ATP2B4: variants seen among roughly 807,000 people sequenced by gnomAD.
ATP2B4 encodes plasma membrane calcium-transporting ATPase 4.
In ATP2B4, 39 loss-of-function variants were observed where a neutral mutation model predicts 110.3. The ratio of observed to expected loss-of-function variants is 0.35; its 90% CI spans 0.27 to 0.46. The LOEUF (loss-of-function observed/expected upper bound fraction) is 0.46. Ranked by LOEUF, ATP2B4 falls within the 20% of genes least tolerant of loss-of-function variation. The probability of loss-of-function intolerance (pLI) is 1.00; values close to 1 mark genes in which losing one functional copy is unlikely to be tolerated. For synonymous variants in ATP2B4, 538 were observed against 571.7 expected, an observed-to-expected ratio of 0.94 and a Z score of 0.84; for missense variants, 1,135 against 1,530.9, an observed-to-expected ratio of 0.74 and a Z score of 4.32.
In ATP2B4 at chr1:203,638,924, C is replaced by T. The variant is rs539993370; in HGVS notation, c.-465+11705C>T. Among the ~76,000 whole-genome samples the T allele has an allele frequency of 2.8e-4, 43 of 152,310 alleles. No individual in the cohort carries two copies. The South Asian group carries it at 5.4e-3, about 19-fold the overall frequency. On this transcript the variant is annotated intron_variant, in intron 1 of 20. Coordinates refer to ENST00000357681, the MANE Select transcript of ATP2B4 (RefSeq NM_001684.5). ...AAGTATTTGGCACTGCCCGTATCAC[C>T]GTGCAGCTCCTAACAGTCCCCTCCA...
rs117114126 is a variant in ATP2B4 at position 203,675,210 on chromosome 1, C to T, written c.-464-7532C>T. On this transcript the variant is annotated intron_variant, in intron 1 of 20. Transcript: ENST00000357681. Reference sequence around the variant, plus strand: ...TCTTAGCAGACCAGGTGATCAGGATCAGGCTGTCAACCTTGGGTCAATTCT... The same window carrying T: ...TCTTAGCAGACCAGGTGATCAGGATTAGGCTGTCAACCTTGGGTCAATTCT... Among the ~76,000 whole-genome samples the T allele has an allele frequency of 2.0e-5, 3 of 152,254 alleles. No individual in the cohort carries two copies. The East Asian group carries it at 5.8e-4, about 30-fold the overall frequency.
At chr1:203,722,796 G>A in intron 18 of ATP2B4, 107 bp downstream of exon 18, 3 of 1,044,612 alleles carry the variant, frequency 2.9e-6, no homozygotes, top group Non-Finnish European at 4.1e-6. Context: ...GGAATTACGG[G>A]GACTGGAGCT....
Position 203,713,146 on chromosome 1 carries a change from T to G in ATP2B4, c.2212-19T>G, listed in dbSNP as rs771516985. 3.1e-6 allele frequency: 5 copies of G among 1,614,022 alleles called. No individual in the cohort carries two copies. In the South Asian group the frequency reaches 5.5e-5, roughly 18 times the overall value. On this transcript the variant is annotated intron_variant, in intron 13 of 20. Transcript: ENST00000357681. ...CTTTTCTGCATTTGACTGATCCAGG[T>G]GTGGTCTGGTGTTGGCAGGTAGAGC...
intron 20 of ATP2B4, among the ~76,000 whole-genome samples, chr1:203,736,424 C>T (rs570397996): frequency 8.6e-5 from 13 of 151,946 alleles, no homozygotes; most frequent in South Asian, 4.1e-4. Context: ...GCTGAGATCA[C>T]GCCATTGCAC....
Position 203,629,802 on chromosome 1 carries a change from A to C in ATP2B4, c.-465+2583A>C, listed in dbSNP as rs1322703995. Among the ~76,000 whole-genome samples, 2 of 152,156 alleles carry C rather than the reference A, an allele frequency of 1.3e-5. No homozygotes were observed. ...ATTTACCACCAAGTCTCTAGATTCA[A>C]GGTCAAGTCAAAGGAGCACAGCCCG... is the stretch of plus-strand genomic sequence containing the variant. On this transcript the variant is annotated intron_variant, in intron 1 of 20. Coordinates refer to ENST00000357681, the MANE Select transcript of ATP2B4 (RefSeq NM_001684.5). The surrounding 1 kb of genome is among the most constrained non-coding windows in gnomAD (Gnocchi z 4.6).
intron 1 of ATP2B4, among the ~76,000 whole-genome samples, chr1:203,660,836 C>G (rs1664317029): frequency 6.6e-6 from 1 of 151,610 alleles, no homozygotes; most frequent in Non-Finnish European, 1.5e-5. Flanking sequence ...AGGGACTGGG[C>G]ACGGTGGCTC....
chr1:203,715,193 T>G (rs905911436), intron 15 of ATP2B4, among the ~76,000 whole-genome samples: 2 of 151,290 alleles, frequency 1.3e-5, no homozygotes, highest in South Asian at 2.1e-4. Flanking sequence ...GAGAATCACT[T>G]GAACCCGGGA....
At position 203,743,301 on chromosome 1, in the gene ATP2B4, T is replaced by C. The variant is rs1275058867; in HGVS notation, c.*3447T>C. On this transcript the variant is annotated 3_prime_UTR_variant, in exon 21 of 21. Transcript: ENST00000357681. ...TGGTACCATCACAGTATGCAGAGAC[T>C]TCCTCACCTTTCATATCTAGGGACC... 4 of 152,644 alleles carry C rather than the reference T, an allele frequency of 2.6e-5. No individual in the cohort carries two copies. The highest frequency in any genetic ancestry group is 5.9e-5 in the Non-Finnish European group (4 of 68,032). The allele number at this position is 152,644 out of a possible 1,614,324, so 9.5% of individuals were successfully genotyped here. A position where few individuals can be genotyped will look rare whatever the true frequency, so the allele number is the denominator to read the frequency against.
At chr1:203,657,602 C>A (rs1664200810) in intron 1 of ATP2B4, 1 of 973,878 alleles carries the variant, frequency 1.0e-6, no homozygotes, top group Non-Finnish European at 1.7e-6. Flanking sequence ...TAAGGTAAAG[C>A]TTAGCCTTCA....
At chr1:203,635,645 T>G (rs1663415362) in intron 1 of ATP2B4, among the ~76,000 whole-genome samples, 1 of 151,866 alleles carries the variant, frequency 6.6e-6, no homozygotes, top group African/African-American at 2.4e-5. Context: ...AGTGAGACCC[T>G]GTCTCAAAAA....
chr1:203,727,886 A>T (rs1224072057), intron 20 of ATP2B4: 1 of 380,732 alleles, frequency 2.6e-6, no homozygotes, highest in African/African-American at 2.1e-5. Flanking sequence ...TCTTGCAAGC[A>T]CTAGACCTGA....
chr1:203,729,707 C>T (rs777591410), intron 20 of ATP2B4: 1 of 1,344,170 alleles, frequency 7.4e-7, no homozygotes. Context: ...GACACAGGTG[C>T]TTCCTGGGGA....
In ATP2B4 at chr1:203,703,731, G is replaced by GT; in HGVS notation, c.1017_1018insT (p.Lys340Ter). 6.2e-7 allele frequency: 1 copy of GT among 1,614,192 alleles called. No individual in the cohort carries two copies. Among genetic ancestry groups the GT allele is most frequent in the Non-Finnish European group, 8.5e-7 (1 of 1,180,020 alleles). ...GAATCGACAATGAGGAAAAGGACAA[G>GT]AAGGCAGTCAAGGTGCCTAAAAAGG... On this transcript the variant is annotated frameshift_variant, in exon 8 of 21. Coordinates refer to ENST00000357681, the MANE Select transcript of ATP2B4 (RefSeq NM_001684.5). LOFTEE classifies it high-confidence loss of function.
At chr1:203,658,368 TA>T (rs530207721) in intron 1 of ATP2B4, among the ~76,000 whole-genome samples, 10,012 of 117,162 alleles carry the variant, frequency 0.085, 529 homozygotes, top group East Asian at 0.24. Flanking sequence ...TAATAAAAAT[TA>T]AAAAAAAAAA....
Position 203,707,137 on chromosome 1 carries a change from T to G in ATP2B4, c.1228T>G (p.Phe410Val), listed in dbSNP as rs146336588. The G allele has an allele frequency of 8.4e-5, 136 of 1,614,104 alleles. No individual in the cohort carries two copies. Among genetic ancestry groups the G allele is most frequent in the Non-Finnish European group, 1.1e-4 (127 of 1,180,040 alleles). The change falls in exon 9 of 21, where the codon TTC becomes GTC. Residue 410 changes from phenylalanine (F) to valine (V), a missense_variant. Phe to Val is a conservative substitution (Grantham distance 50). This residue lies in a region of ATP2B4 where 162 missense variants were observed against 210.5 expected (regional missense o/e 0.77). Coordinates refer to ENST00000357681, the MANE Select transcript of ATP2B4 (RefSeq NM_001684.5). ...CTACATCCAGTACTTTGTCAAGTTCTTCATCATCGGCATCACTGTACTGGT... is the reference window on the plus strand; with the variant it reads ...CTACATCCAGTACTTTGTCAAGTTCGTCATCATCGGCATCACTGTACTGGT... ...PIYIQYFVKF[F>V]IIGITVLVVA...
rs756353643 is a variant in ATP2B4, at chr1:203,713,216, C to T, written c.2263C>T (p.Arg755Ter). 1.9e-6 allele frequency: 3 copies of T among 1,614,134 alleles called. No homozygotes were observed. The highest frequency in any genetic ancestry group is 2.5e-6 in the Non-Finnish European group (3 of 1,180,006). ...CTGGCCTAAGCTTCGGGTCCTGGCG[C>T]GATCTTCTCCCACTGACAAGCACAC... ...KIWPKLRVLARSSPTDKHTLV... is the reference protein window; with the variant it reads ...KIWPKLRVLA Residue 755 changes from arginine to a stop codon, truncating the protein, a stop_gained, in exon 14 of 21, where the codon CGA becomes TGA. Transcript: ENST00000357681. LOFTEE classifies it high-confidence loss of function.
At chr1:203,697,422 A>G (rs1665564675) in intron 2 of ATP2B4, among the ~76,000 whole-genome samples, 1 of 152,208 alleles carries the variant, frequency 6.6e-6, no homozygotes, top group Admixed American at 6.5e-5. Flanking sequence ...TATGACATAA[A>G]AGTTCTATGT....
chr1:203,736,984 T>C (rs1303300733), intron 20 of ATP2B4, among the ~76,000 whole-genome samples: 2 of 152,240 alleles, frequency 1.3e-5, no homozygotes, highest in African/African-American at 4.8e-5. Context: ...GTGAGCTTCC[T>C]TACAGGTGGC....
intron 2 of ATP2B4, among the ~76,000 whole-genome samples, chr1:203,690,876 C>T (rs1407704142): frequency 1.3e-5 from 2 of 152,178 alleles, no homozygotes; most frequent in African/African-American, 4.8e-5. Context: ...CAAAAGTGTC[C>T]TCCCTCTGCC....
Sources: allele counts gnomAD v4.1 joint callset (sites outside exome capture counted in the v4.1 genomes callset), GRCh38; gene constraint gnomAD v4.1.1; regional missense constraint gnomAD v4.1.1; non-coding constraint Gnocchi (gnomAD v3.1); transcripts MANE v1.5; gene names NCBI Gene and HGNC (gene_info 2026-07-23, HGNC 2026-07-21).